SLC8A1: variants seen among roughly 807,000 people sequenced by gnomAD.
The protein encoded by SLC8A1 is sodium/calcium exchanger 1.
A neutral mutation model predicts 68.3 loss-of-function variants in SLC8A1; 18 were observed. That is an observed-to-expected ratio of 0.26 (90% CI 0.18 to 0.39). SLC8A1 has a LOEUF of 0.39. Among genes scored for constraint, SLC8A1 ranks in the 10% least tolerant of loss-of-function variants. The probability of loss-of-function intolerance (pLI) is 1.00; values close to 1 mark genes in which losing one functional copy is unlikely to be tolerated. For synonymous variants in SLC8A1, 475 were observed against 415.5 expected (o/e 1.14, Z -1.74); for missense variants, 985 against 1,156.7 (o/e 0.85, Z 2.15).
chr2:40,237,219 G>C (rs1298454432), intron 2 of SLC8A1, among the ~76,000 whole-genome samples: 2 of 152,138 alleles, frequency 1.3e-5, no homozygotes, highest in Non-Finnish European at 2.9e-5. Context: ...TGGTTCCATT[G>C]TCCCCATCGC....
chr2:40,287,022 C>G lies in SLC8A1; in HGVS notation c.1809-109167G>C, dbSNP rs1241200236. On this transcript the variant is annotated intron_variant, in intron 2 of 7. Transcript: ENST00000406785. The stretch of plus-strand genomic sequence containing the variant: ...TGAGGGTTCTCAAGTAATATCCACC[C>G]TCTTTCACAGGAGTAACAGGTCACC... Among the ~76,000 whole-genome samples, 4 of 152,174 alleles carry G rather than the reference C, an allele frequency of 2.6e-5. No individual in the cohort carries two copies. In the East Asian group the frequency reaches 5.8e-4, roughly 22 times the overall value.
chr2:40,353,164 G>C (rs1343475124), intron 2 of SLC8A1, among the ~76,000 whole-genome samples: 1 of 152,138 alleles, frequency 6.6e-6, no homozygotes, highest in East Asian at 1.9e-4. Flanking sequence ...ACTGGATAAA[G>C]AAATTTTTGA....
intron 2 of SLC8A1, among the ~76,000 whole-genome samples, chr2:40,218,656 T>C (rs1271010966): frequency 1.3e-5 from 2 of 152,150 alleles, no homozygotes; most frequent in African/African-American, 2.4e-5. Context: ...TTATGTACTT[T>C]ATGATTATAA....
chr2:40,176,816 G>A (rs1364184962), intron 3 of SLC8A1, among the ~76,000 whole-genome samples: 3 of 152,032 alleles, frequency 2.0e-5, no homozygotes, highest in Non-Finnish European at 2.9e-5. Context: ...CAACTAATAA[G>A]AGCTATTAAT....
chr2:40,257,266 G>C (rs2064073962), intron 2 of SLC8A1, among the ~76,000 whole-genome samples: 1 of 152,124 alleles, frequency 6.6e-6, no homozygotes, highest in Non-Finnish European at 1.5e-5. Context: ...TCGTACTCTA[G>C]TGCCTTCCTA....
intron 2 of SLC8A1, among the ~76,000 whole-genome samples, chr2:40,379,647 T>C (rs1323586757): frequency 6.6e-6 from 1 of 151,780 alleles, no homozygotes; most frequent in East Asian, 1.9e-4. Flanking sequence ...ATTTTGCCTT[T>C]TTTTTTTTCC....
intron 2 of SLC8A1, among the ~76,000 whole-genome samples, chr2:40,428,097 T>A (rs1471167043): frequency 1.3e-5 from 2 of 152,120 alleles, no homozygotes; most frequent in Non-Finnish European, 2.9e-5. Context: ...ATTGTGATGT[T>A]TTAAATATTC....
intron 1 of SLC8A1, among the ~76,000 whole-genome samples, chr2:40,499,357 T>C (rs1705908640): frequency 6.6e-6 from 1 of 152,014 alleles, no homozygotes; most frequent in Admixed American, 6.6e-5. Flanking sequence ...AGGATGATAA[T>C]AGGATCCAGC....
chr2:40,242,055 G>T (rs2061294215), intron 2 of SLC8A1, among the ~76,000 whole-genome samples: 1 of 151,974 alleles, frequency 6.6e-6, no homozygotes, highest in South Asian at 2.1e-4. Context: ...AATATTGATG[G>T]GGCTATGATG....
chr2:40,486,102 C>A (rs983719279), intron 1 of SLC8A1, among the ~76,000 whole-genome samples: 2 of 152,144 alleles, frequency 1.3e-5, no homozygotes, highest in Non-Finnish European at 2.9e-5. Flanking sequence ...CTCATGAGAA[C>A]TGATGGTTTT....
At chr2:40,372,693 TC>T (rs1678520000) in intron 2 of SLC8A1, among the ~76,000 whole-genome samples, 3 of 152,144 alleles carry the variant, frequency 2.0e-5, no homozygotes, top group Admixed American at 2.0e-4. Context: ...CTGCATTCTT[TC>T]TATGTTGAAG....
At chr2:40,307,102 T>C (rs977552264) in intron 2 of SLC8A1, among the ~76,000 whole-genome samples, 5 of 151,604 alleles carry the variant, frequency 3.3e-5, no homozygotes, top group Non-Finnish European at 5.9e-5. Flanking sequence ...CAAACAAGTG[T>C]CAGTAAACAG....
chr2:40,313,563 T>G (rs951385225), intron 2 of SLC8A1, among the ~76,000 whole-genome samples: 13 of 151,984 alleles, frequency 8.6e-5, no homozygotes, highest in Non-Finnish European at 1.5e-4. Flanking sequence ...TATAAATATT[T>G]GGTGTGGTCA....
chr2:40,349,541 A>G (rs1240157818), intron 2 of SLC8A1, among the ~76,000 whole-genome samples: 3 of 152,176 alleles, frequency 2.0e-5, no homozygotes, highest in Non-Finnish European at 4.4e-5. Context: ...TCTGCACCTC[A>G]GCTGTTTTCT....
chr2:40,156,269 C>T (rs2148417900), intron 6 of SLC8A1, among the ~76,000 whole-genome samples: 1 of 152,150 alleles, frequency 6.6e-6, no homozygotes, highest in South Asian at 2.1e-4. Flanking sequence ...CCAACTCTCT[C>T]CTTTTCCTGA....
intron 2 of SLC8A1, among the ~76,000 whole-genome samples, chr2:40,342,477 T>C (rs944009466): frequency 4.0e-5 from 6 of 151,864 alleles, no homozygotes; most frequent in African/African-American, 7.2e-5. Context: ...TATTCTGATA[T>C]TGAAAAGAAT....
chr2:40,162,785 T>G (rs2045908268), intron 5 of SLC8A1, among the ~76,000 whole-genome samples: 1 of 152,114 alleles, frequency 6.6e-6, no homozygotes, highest in Non-Finnish European at 1.5e-5. Context: ...TTCAAAGGCT[T>G]GTGAAAACCT....
intron 2 of SLC8A1, among the ~76,000 whole-genome samples, chr2:40,256,004 T>G (rs1233364918): frequency 6.6e-6 from 1 of 152,190 alleles, no homozygotes; most frequent in Non-Finnish European, 1.5e-5. Context: ...AGAAGAGCAA[T>G]GCTGACAGGC....
intron 2 of SLC8A1, among the ~76,000 whole-genome samples, chr2:40,241,422 CA>C (rs1165539118): frequency 6.6e-6 from 1 of 152,178 alleles, no homozygotes; most frequent in African/African-American, 2.4e-5. Flanking sequence ...ATCCACACCC[CA>C]AACTTCAGCA....
Sources: gnomAD v4.1 joint callset for allele counts (sites outside exome capture counted in the v4.1 genomes callset) on GRCh38, gnomAD v4.1.1 for gene constraint, MANE v1.5 for transcripts, NCBI Gene and HGNC (gene_info 2026-07-23, HGNC 2026-07-21) for gene names.